KIT: variants seen among roughly 807,000 people sequenced by gnomAD.
The protein encoded by KIT is mast/stem cell growth factor receptor Kit.
In KIT, 16 loss-of-function variants were observed where a neutral mutation model predicts 105.7. The observed-to-expected ratio is 0.15, with a 90% CI of 0.10 to 0.23. KIT has a LOEUF of 0.23. Among genes scored for constraint, KIT ranks in the 10% least tolerant of loss-of-function variants. KIT has a pLI of 1.00. For synonymous variants in KIT, 438 were observed against 441.1 expected, an observed-to-expected ratio of 0.99 and a Z score of 0.09; for missense variants, 858 against 1,213.8, an observed-to-expected ratio of 0.71 and a Z score of 4.36.
At chr4:54,675,895 C>T (rs572374519) in intron 1 of KIT, among the ~76,000 whole-genome samples, 7 of 152,128 alleles carry the variant, frequency 4.6e-5, no homozygotes, top group Non-Finnish European at 8.8e-5. Flanking sequence ...ATTTGCCACC[C>T]GGTGTCACTA....
chr4:54,726,217 G>C (rs139255030), intron 9 of KIT, among the ~76,000 whole-genome samples, 167 bp downstream of exon 9: 45 of 152,218 alleles, frequency 3.0e-4, no homozygotes, highest in African/African-American at 1.1e-3. Flanking sequence ...AGCTTGTTAA[G>C]TATATGCTTT....
chr4:54,659,481 C>A (rs1461827660), intron 1 of KIT, among the ~76,000 whole-genome samples: 1 of 152,162 alleles, frequency 6.6e-6, no homozygotes, highest in Non-Finnish European at 1.5e-5. Flanking sequence ...GGAAGCGGCG[C>A]AATGAACGGT....
rs757106143 is a variant in KIT at position 54,659,137 on chromosome 4, C to A, written c.67+1056C>A. The stretch of plus-strand genomic sequence containing the variant: ...GCCCGCCTCCCCGCCCCCGGGACTT[C>A]TATACTTCAGGGCTGCCTGGGGGTG... On this transcript the variant is annotated intron_variant, in intron 1 of 20. Coordinates refer to ENST00000288135, the MANE Select transcript of KIT (RefSeq NM_000222.3). Among the ~76,000 whole-genome samples, 15 of 152,330 alleles carry A rather than the reference C, an allele frequency of 9.8e-5. No individual in the cohort carries two copies. The East Asian group carries it at 2.7e-3, about 27-fold the overall frequency.
intron 1 of KIT, among the ~76,000 whole-genome samples, chr4:54,695,127 T>G (rs1226358190): frequency 6.6e-6 from 1 of 152,212 alleles, no homozygotes; most frequent in African/African-American, 2.4e-5. Context: ...GTAGTTTCTT[T>G]TTTCTTTTTC....
intron 1 of KIT, among the ~76,000 whole-genome samples, chr4:54,691,818 A>G (rs2237023): frequency 0.64 from 96,927 of 151,688 alleles, 32,896 homozygotes; most frequent in African/African-American, 0.89. Flanking sequence ...GCTGGTCTCA[A>G]GTGGAACAGC....
At chr4:54,734,004 A>G (rs1321152570) in intron 17 of KIT, among the ~76,000 whole-genome samples, 4 of 152,014 alleles carry the variant, frequency 2.6e-5, no homozygotes, top group South Asian at 4.1e-4. Flanking sequence ...TTTTCCCCCC[A>G]TCACTGTGGC....
At chr4:54,736,321 T>C (rs1722922409) in intron 17 of KIT, among the ~76,000 whole-genome samples, 177 bp from the exon 18 acceptor site, 2 of 152,192 alleles carry the variant, frequency 1.3e-5, no homozygotes, top group Admixed American at 1.3e-4. Flanking sequence ...TTGTGAGCCA[T>C]GTATTTCAGA....
intron 16 of KIT, 72 bp from the exon 17 acceptor site, chr4:54,732,998 A>T (rs2109800399): frequency 1.5e-6 from 2 of 1,333,768 alleles, no homozygotes; most frequent in Non-Finnish European, 2.1e-6. Context: ...CTATAGTATT[A>T]AAAAGTTAGT....
Position 54,738,774 on chromosome 4 carries a change from G to A in KIT, c.*217G>A, listed in dbSNP as rs17084733. ...AACTGTATATATTCCCAATAGCAACGTAGCTTCTACCATGAACAGAAAACA... is the reference window on the plus strand; with the variant it reads ...AACTGTATATATTCCCAATAGCAACATAGCTTCTACCATGAACAGAAAACA... On this transcript the variant is annotated 3_prime_UTR_variant, in exon 21 of 21. Coordinates refer to ENST00000288135, the MANE Select transcript of KIT (RefSeq NM_000222.3). 58,823 of 632,120 alleles carry A rather than the reference G, an allele frequency of 0.093. 3,108 individuals are homozygous for A. Among genetic ancestry groups the A allele is most frequent in the African/African-American group, 0.14 (7,687 of 54,998 alleles). The allele number at this position is 632,120 out of a possible 1,614,324, so 39.2% of individuals were successfully genotyped here.
intron 7 of KIT, among the ~76,000 whole-genome samples, chr4:54,710,620 T>C (rs1299106280): frequency 6.6e-6 from 1 of 151,434 alleles, no homozygotes; most frequent in African/African-American, 2.4e-5. Flanking sequence ...CTCGATTCAC[T>C]GCAACCTCCA....
intron 2 of KIT, 92 bp downstream of exon 2, chr4:54,695,873 T>C: frequency 5.4e-6 from 8 of 1,492,594 alleles, no homozygotes; most frequent in Non-Finnish European, 7.4e-6. Context: ...GAGCCATAGA[T>C]AAAATATTTC....
chr4:54,695,264 G>A (rs1719976743), intron 1 of KIT, among the ~76,000 whole-genome samples: 1 of 152,170 alleles, frequency 6.6e-6, no homozygotes, highest in African/African-American at 2.4e-5. Flanking sequence ...GAAGGCTGGG[G>A]CATTCAGCAC....
chr4:54,709,336 G>C, intron 6 of KIT, 88 bp from the exon 7 acceptor site: 1 of 838,642 alleles, frequency 1.2e-6, no homozygotes, highest in Admixed American at 1.8e-5. Context: ...CCTCAAACAG[G>C]CATAGATTTC....
At position 54,738,782 on chromosome 4, in the gene KIT, T is replaced by C; in HGVS notation, c.*225T>C. On this transcript the variant is annotated 3_prime_UTR_variant, in exon 21 of 21. Coordinates refer to ENST00000288135, the MANE Select transcript of KIT (RefSeq NM_000222.3). ...ATATTCCCAATAGCAACGTAGCTTC[T>C]ACCATGAACAGAAAACATTCTGATT... 1 of 618,828 alleles carries C rather than the reference T, an allele frequency of 1.6e-6. No individual in the cohort carries two copies. 38.3% of individuals were successfully genotyped at this position (618,828 alleles called of 1,614,324 possible). A position where few individuals can be genotyped will look rare whatever the true frequency, so the allele number is the denominator to read the frequency against.
In KIT at chr4:54,678,338, TTCCTTCCTTCCTTCCCTCCCTCCC is replaced by T. The variant is rs1272478187; in HGVS notation, c.68-17170_68-17147del. On this transcript the variant is annotated intron_variant, in intron 1 of 20. Transcript: ENST00000288135. The stretch of plus-strand genomic sequence containing the variant: ...CTTCCTTCCTTCCTTCCTTCCTTCC[TTCCTTCCTTCCTTCCCTCCCTCCC>T]TCCCTCCCTCCCTCCCCCAATCCCT... Among the ~76,000 whole-genome samples, 29 of 96,322 alleles carry T rather than the reference TTCCTTCCTTCCTTCCCTCCCTCCC, an allele frequency of 3.0e-4. 1 individual carries two copies. Among genetic ancestry groups the T allele is most frequent in the African/African-American group, 1.6e-3 (27 of 17,318 alleles). The allele number at this position is 96,322 out of a possible 152,430, so 63.2% of individuals were successfully genotyped here. A position where few individuals can be genotyped will look rare whatever the true frequency, so the allele number is the denominator to read the frequency against.
intron 9 of KIT, 116 bp from the exon 10 acceptor site, chr4:54,727,102 T>C: frequency 1.2e-6 from 1 of 840,024 alleles, no homozygotes; most frequent in South Asian, 1.3e-5. Flanking sequence ...CTCACATAGC[T>C]TTGCATCCTG....
At chr4:54,677,569 A>G (rs948762417) in intron 1 of KIT, among the ~76,000 whole-genome samples, 3 of 152,204 alleles carry the variant, frequency 2.0e-5, no homozygotes, top group African/African-American at 7.2e-5. Flanking sequence ...GGGGCTTCCA[A>G]GAAACACTGC....
chr4:54,720,715 A>C (rs1337164710), intron 7 of KIT, among the ~76,000 whole-genome samples: 1 of 152,222 alleles, frequency 6.6e-6, no homozygotes, highest in Non-Finnish European at 1.5e-5. Flanking sequence ...CTAAGAATTT[A>C]CCATGTAGTG....
intron 14 of KIT, among the ~76,000 whole-genome samples, chr4:54,730,230 C>T (rs1327118735): frequency 6.6e-6 from 1 of 152,142 alleles, no homozygotes; most frequent in Non-Finnish European, 1.5e-5. Context: ...CCCAGTCCAA[C>T]AGAAGTCATG....
Sources: allele counts gnomAD v4.1 joint callset (sites outside exome capture counted in the v4.1 genomes callset), GRCh38; gene constraint gnomAD v4.1.1; transcripts MANE v1.5; gene names NCBI Gene and HGNC (gene_info 2026-07-23, HGNC 2026-07-21).